The following DCDC2 variants were observed in gnomAD, a reference collection of about 807,000 sequenced individuals.
DCDC2 encodes the protein doublecortin domain containing 2.
In DCDC2, 40 loss-of-function variants were observed where a neutral mutation model predicts 50.2. That is an observed-to-expected ratio of 0.80 (90% CI 0.62 to 1.04). DCDC2 has a LOEUF of 1.04. Among genes scored for constraint, DCDC2 ranks in the 50% least tolerant of loss-of-function variants. The pLI, the probability that DCDC2 is intolerant of heterozygous loss-of-function variation, is 0.00. For missense variants in DCDC2, 570 were observed against 581.9 expected, an observed-to-expected ratio of 0.98 and a Z score of 0.21; for synonymous variants, 234 against 210.6, an observed-to-expected ratio of 1.11 and a Z score of -0.96.
chr6:24,343,720 G>C (rs1055944189), intron 2 of DCDC2, among the ~76,000 whole-genome samples: 17 of 152,126 alleles, frequency 1.1e-4, no homozygotes, highest in Non-Finnish European at 2.5e-4. Flanking sequence ...ATAAGAACAA[G>C]CTCCTCTCAG....
intron 2 of DCDC2, among the ~76,000 whole-genome samples, chr6:24,347,866 G>A (rs751600904): frequency 2.6e-5 from 4 of 152,124 alleles, no homozygotes; most frequent in Non-Finnish European, 4.4e-5. Flanking sequence ...TACTTGAGAC[G>A]TCCTATCCAT....
chr6:24,382,750 C>A, the DCDC2 span, among the ~76,000 whole-genome samples: 1 of 152,122 alleles, frequency 6.6e-6, no homozygotes, highest in Non-Finnish European at 1.5e-5. Flanking sequence ...ACAAAGTATT[C>A]TTTTCTTTTT....
At chr6:24,263,249 G>C (rs1763051552) in intron 7 of DCDC2, among the ~76,000 whole-genome samples, 1 of 152,160 alleles carries the variant, frequency 6.6e-6, no homozygotes, top group South Asian at 2.1e-4. Context: ...GGAATACCTA[G>C]AAAGCCTTCT....
intron 7 of DCDC2, among the ~76,000 whole-genome samples, chr6:24,256,782 T>C (rs946543743): frequency 6.6e-6 from 1 of 152,172 alleles, no homozygotes; most frequent in East Asian, 1.9e-4. Flanking sequence ...TCCGATATCA[T>C]GTAGACAGCA....
At chr6:24,180,378 C>T (rs966774178) in intron 8 of DCDC2, among the ~76,000 whole-genome samples, 23 of 152,110 alleles carry the variant, frequency 1.5e-4, no homozygotes, top group Middle Eastern at 3.4e-3. Context: ...CCCGCTTCCC[C>T]GGTTCATGCC....
chr6:24,251,809 T>C (rs1762800939), intron 7 of DCDC2, among the ~76,000 whole-genome samples: 1 of 152,224 alleles, frequency 6.6e-6, no homozygotes, highest in Non-Finnish European at 1.5e-5. Context: ...TCAAATCACA[T>C]AATTTTTCCA....
chr6:24,311,912 A>G (rs1214279436), intron 2 of DCDC2, among the ~76,000 whole-genome samples: 1 of 152,230 alleles, frequency 6.6e-6, no homozygotes, highest in East Asian at 1.9e-4. Flanking sequence ...AAGCTAAGCC[A>G]TCATATCCCC....
In DCDC2 at chr6:24,327,457, T is replaced by G. The variant is rs1055197230; in HGVS notation, c.349-25413A>C. On this transcript the variant is annotated intron_variant, in intron 2 of 9. Transcript: ENST00000378454. ...TTAGTCAATCAACATTATAAACTTA[T>G]TTATTTATTTATTTATTTATTTATT... is the stretch of plus-strand genomic sequence containing the variant. Among the ~76,000 whole-genome samples, 10 of 132,280 alleles carry G rather than the reference T, an allele frequency of 7.6e-5. 1 individual carries two copies. The highest frequency in any genetic ancestry group is 2.5e-4 in the South Asian group (1 of 3,970). The allele number at this position is 132,280 out of a possible 152,430, so 86.8% of individuals were successfully genotyped here. A position where few individuals can be genotyped will look rare whatever the true frequency, so the allele number is the denominator to read the frequency against.
At chr6:24,314,839 C>T (rs1759632894) in intron 2 of DCDC2, among the ~76,000 whole-genome samples, 1 of 152,062 alleles carries the variant, frequency 6.6e-6, no homozygotes, top group Non-Finnish European at 1.5e-5. Context: ...TGTTCAGCAA[C>T]AGACCAATGA....
Position 24,301,909 on chromosome 6 carries a change from A to C in DCDC2, c.425+59T>G, listed in dbSNP as rs368093404. On this transcript the variant is annotated intron_variant, in intron 3 of 9. Coordinates refer to ENST00000378454, the MANE Select transcript of DCDC2 (RefSeq NM_016356.5). ...CCTTGAAAACTACAACACAAATTCC[A>C]AACCAAAAGGAAACCACCAAGCCAA... The C allele has an allele frequency of 4.3e-6, 7 of 1,612,480 alleles. No homozygotes were observed. The African/African-American group carries it at 9.4e-5, about 22-fold the overall frequency.
chr6:24,320,800 G>T (rs9467110), intron 2 of DCDC2, among the ~76,000 whole-genome samples: 121,284 of 151,992 alleles, frequency 0.8, 48,751 homozygotes, highest in Non-Finnish European at 0.84. Context: ...ATAGCAAGAA[G>T]CACCCCTAAT....
intron 2 of DCDC2, among the ~76,000 whole-genome samples, chr6:24,335,801 G>A (rs1263085189): frequency 6.6e-6 from 1 of 152,146 alleles, no homozygotes; most frequent in East Asian, 1.9e-4. Context: ...AAAACCATTA[G>A]ATCTCGTGAG....
chr6:24,295,314 A>T (rs1763838336), intron 4 of DCDC2, among the ~76,000 whole-genome samples: 1 of 152,166 alleles, frequency 6.6e-6, no homozygotes, highest in South Asian at 2.1e-4. Context: ...GTATTGAAGG[A>T]ACATAAAATA....
chr6:24,296,958 C>G (rs778031417), intron 4 of DCDC2, among the ~76,000 whole-genome samples: 1 of 152,184 alleles, frequency 6.6e-6, no homozygotes, highest in African/African-American at 2.4e-5. Flanking sequence ...AATCCCATTA[C>G]TGGGTATACA....
intron 7 of DCDC2, among the ~76,000 whole-genome samples, chr6:24,242,495 CT>C (rs1318804421): frequency 6.6e-6 from 1 of 152,182 alleles, no homozygotes; most frequent in Non-Finnish European, 1.5e-5. Context: ...GCTGTGAAGT[CT>C]TCCCCCCACC....
intron 1 of DCDC2, among the ~76,000 whole-genome samples, chr6:24,354,622 T>C (rs1760432172): frequency 6.6e-6 from 1 of 152,176 alleles, no homozygotes; most frequent in Non-Finnish European, 1.5e-5. Context: ...AATGGGTCTT[T>C]TGTGGACCTG....
upstream of DCDC2, among the ~76,000 whole-genome samples, chr6:24,359,607 AAGAG>A (rs565885434): frequency 2.1e-3 from 283 of 132,470 alleles, 2 homozygotes; most frequent in African/African-American, 8.0e-3. Context: ...CAGAGAGAGA[AAGAG>A]AGAATCCGGG....
At chr6:24,215,936 G>C (rs1761964237) in intron 7 of DCDC2, among the ~76,000 whole-genome samples, 1 of 152,206 alleles carries the variant, frequency 6.6e-6, no homozygotes, top group Admixed American at 6.5e-5. Flanking sequence ...CAGAAGAGCT[G>C]AAGAAGGACT....
intron 2 of DCDC2, among the ~76,000 whole-genome samples, chr6:24,339,172 C>T (rs943324375): frequency 1.3e-5 from 2 of 151,946 alleles, no homozygotes; most frequent in Non-Finnish European, 2.9e-5. Flanking sequence ...AATGCTCTTC[C>T]TCCTTCTGCT....
Sources: allele counts gnomAD v4.1 joint callset (sites outside exome capture counted in the v4.1 genomes callset), GRCh38; gene constraint gnomAD v4.1.1; transcripts MANE v1.5; gene names NCBI Gene and HGNC (gene_info 2026-07-23, HGNC 2026-07-21).